Variants in TENM3 observed in about 807,000 individuals in gnomAD.
TENM3 encodes teneurin transmembrane protein 3.
In TENM3, 63 loss-of-function variants were observed where a neutral mutation model predicts 255.1. The observed-to-expected ratio is 0.25, with a 90% CI of 0.20 to 0.30. The LOEUF (loss-of-function observed/expected upper bound fraction) is 0.30, where lower values mean the gene tolerates loss of function less well. TENM3 is among the 10% of genes least tolerant of loss of function. The probability of loss-of-function intolerance (pLI) is 1.00; values close to 1 mark genes in which losing one functional copy is unlikely to be tolerated. For missense variants in TENM3, 2,929 were observed against 3,461.1 expected, an observed-to-expected ratio of 0.85 and a Z score of 3.86; for synonymous variants, 1,306 against 1,322.3, an observed-to-expected ratio of 0.99 and a Z score of 0.27.
At chr4:182,147,288 G>A (rs1029728429) in intron 1 of TENM3, among the ~76,000 whole-genome samples, 7 of 152,124 alleles carry the variant, frequency 4.6e-5, no homozygotes, top group Non-Finnish European at 1.5e-5. Context: ...TGATGTCTTT[G>A]CAATAGCTGT....
At chr4:182,260,105 G>T (rs1178589349) in intron 1 of TENM3, among the ~76,000 whole-genome samples, 1 of 152,162 alleles carries the variant, frequency 6.6e-6, no homozygotes, top group Non-Finnish European at 1.5e-5. Context: ...TCCATTGTGT[G>T]TATGGACTAA....
chr4:182,571,667 A>T (rs574876365), intron 3 of TENM3, among the ~76,000 whole-genome samples: 2 of 152,334 alleles, frequency 1.3e-5, no homozygotes, highest in African/African-American at 4.8e-5. Context: ...GATTTTCCTG[A>T]TAATACATTT....
At chr4:181,515,136 G>A in the TENM3 span, among the ~76,000 whole-genome samples, 3 of 152,208 alleles carry the variant, frequency 2.0e-5, no homozygotes, top group African/African-American at 4.8e-5. Context: ...CACACATCAA[G>A]TTCCAGTTCT....
At chr4:181,707,591 T>C in the TENM3 span, among the ~76,000 whole-genome samples, 1 of 152,218 alleles carries the variant, frequency 6.6e-6, no homozygotes, top group African/African-American at 2.4e-5. Flanking sequence ...GCCATACTTG[T>C]ATGAATTTTC....
the TENM3 span, among the ~76,000 whole-genome samples, chr4:181,844,755 A>C: frequency 6.6e-6 from 1 of 152,218 alleles, no homozygotes; most frequent in African/African-American, 2.4e-5. Context: ...ACAAGTGGAA[A>C]ATTATGACAA....
the TENM3 span, among the ~76,000 whole-genome samples, chr4:181,817,250 A>G: frequency 2.6e-5 from 4 of 152,222 alleles, no homozygotes; most frequent in African/African-American, 9.6e-5. Flanking sequence ...CCTTAGCACT[A>G]TTAACATTTG....
At chr4:182,186,160 G>C (rs967049917) in intron 1 of TENM3, among the ~76,000 whole-genome samples, 2 of 152,106 alleles carry the variant, frequency 1.3e-5, no homozygotes, top group Non-Finnish European at 2.9e-5. Flanking sequence ...ATGTGTTCAG[G>C]TTCCTATGTG....
the TENM3 span, among the ~76,000 whole-genome samples, chr4:181,484,710 C>T: frequency 6.6e-6 from 1 of 152,006 alleles, no homozygotes; most frequent in Non-Finnish European, 1.5e-5. Flanking sequence ...AATTACACAA[C>T]TATATAAAGA....
chr4:181,507,532 C>T, the TENM3 span, among the ~76,000 whole-genome samples: 1 of 152,180 alleles, frequency 6.6e-6, no homozygotes, highest in African/African-American at 2.4e-5. Context: ...ACGTTTTGTC[C>T]TTTAGCCTGA....
At chr4:181,605,452 AAGAGAGAG>A in the TENM3 span, among the ~76,000 whole-genome samples, 4 of 100,506 alleles carry the variant, frequency 4.0e-5, no homozygotes, top group Non-Finnish European at 5.8e-5. Flanking sequence ...AAAAGAAAGA[AAGAGAGAG>A]AGAGAGAGAG....
chr4:181,455,147 G>A, the TENM3 span, among the ~76,000 whole-genome samples: 2 of 152,046 alleles, frequency 1.3e-5, no homozygotes, highest in Admixed American at 6.6e-5. Context: ...CTTATGATAG[G>A]TTACTAAAAG....
At chr4:181,496,794 T>G in the TENM3 span, among the ~76,000 whole-genome samples, 1 of 152,316 alleles carries the variant, frequency 6.6e-6, no homozygotes, top group African/African-American at 2.4e-5. Context: ...GTGTTACTGT[T>G]TTTATACTTA....
chr4:182,341,549 C>G (rs570620116), intron 2 of TENM3, among the ~76,000 whole-genome samples: 2 of 152,322 alleles, frequency 1.3e-5, no homozygotes, highest in South Asian at 4.1e-4. Flanking sequence ...TTATGCTAAC[C>G]ACAGTGTTCC....
chr4:182,732,073 A>ATG (rs1760805425), intron 16 of TENM3, among the ~76,000 whole-genome samples: 2 of 151,904 alleles, frequency 1.3e-5, no homozygotes, highest in Non-Finnish European at 2.9e-5. Context: ...GAGCCACCGC[A>ATG]CCCGGCCTTT....
At chr4:181,950,057 C>T in the TENM3 span, among the ~76,000 whole-genome samples, 2 of 152,292 alleles carry the variant, frequency 1.3e-5, no homozygotes, top group East Asian at 3.9e-4. Context: ...CCTGAAGAAT[C>T]ACAAAAGAAG....
At chr4:181,540,621 T>A in the TENM3 span, among the ~76,000 whole-genome samples, 1 of 152,168 alleles carries the variant, frequency 6.6e-6, no homozygotes, top group African/African-American at 2.4e-5. Flanking sequence ...AGCCCTGTGG[T>A]CTTCCTCCCA....
At chr4:182,600,230 G>C (rs1448684907) in intron 3 of TENM3, among the ~76,000 whole-genome samples, 1 of 152,216 alleles carries the variant, frequency 6.6e-6, no homozygotes, top group African/African-American at 2.4e-5. Flanking sequence ...TTCTGTGTGT[G>C]TTCTAATGGA....
At chr4:182,276,343 A>G (rs1338985891) in intron 1 of TENM3, among the ~76,000 whole-genome samples, 2 of 152,258 alleles carry the variant, frequency 1.3e-5, no homozygotes, top group African/African-American at 4.8e-5. Flanking sequence ...TCAGGTAACC[A>G]TACATGACAT....
intron 11 of TENM3, among the ~76,000 whole-genome samples, chr4:182,684,235 G>A (rs1167439748): frequency 6.6e-6 from 1 of 151,212 alleles, no homozygotes; most frequent in Admixed American, 6.6e-5. Context: ...AAAGGAGAAA[G>A]CAAATGGATT....
Sources: gnomAD v4.1 joint callset for allele counts (sites outside exome capture counted in the v4.1 genomes callset) on GRCh38, gnomAD v4.1.1 for gene constraint, MANE v1.5 for transcripts, NCBI Gene and HGNC (gene_info 2026-07-23, HGNC 2026-07-21) for gene names.